The following TTC28 variants were observed in gnomAD, a reference collection of about 807,000 sequenced individuals.
The protein encoded by TTC28 is tetratricopeptide repeat protein 28.
In TTC28, 61 loss-of-function variants were observed where a neutral mutation model predicts 198.0. The observed-to-expected ratio is 0.31, with a 90% CI of 0.25 to 0.38. The LOEUF (loss-of-function observed/expected upper bound fraction) is 0.38. Ranked by LOEUF, TTC28 falls within the 10% of genes least tolerant of loss-of-function variation. The probability of loss-of-function intolerance (pLI) is 1.00; values close to 1 mark genes in which losing one functional copy is unlikely to be tolerated. For synonymous variants in TTC28, 1,171 were observed against 1,297.8 expected, an observed-to-expected ratio of 0.90 and a Z score of 2.10; for missense variants, 2,678 against 3,164.0, an observed-to-expected ratio of 0.85 and a Z score of 3.69.
chr22:28,058,356 A>C (rs530031714), intron 12 of TTC28, among the ~76,000 whole-genome samples: 2 of 152,204 alleles, frequency 1.3e-5, no homozygotes, highest in South Asian at 4.1e-4. Context: ...ATTATGACTG[A>C]TATAGTGTTG....
intron 12 of TTC28, among the ~76,000 whole-genome samples, chr22:28,085,731 G>C (rs976531927): frequency 5.3e-5 from 8 of 152,060 alleles, no homozygotes; most frequent in African/African-American, 1.9e-4. Context: ...TGGATAAAGA[G>C]TCAAGACCCA....
At chr22:28,366,991 G>A (rs1569285949) in intron 2 of TTC28, among the ~76,000 whole-genome samples, 2 of 151,912 alleles carry the variant, frequency 1.3e-5, no homozygotes, top group Non-Finnish European at 2.9e-5. Flanking sequence ...ATCATAGCTG[G>A]AGACTTCAAT....
At chr22:28,522,973 C>T (rs1355528801) in intron 2 of TTC28, among the ~76,000 whole-genome samples, 7 of 151,890 alleles carry the variant, frequency 4.6e-5, no homozygotes, top group Admixed American at 3.9e-4. Flanking sequence ...GTGATGCATG[C>T]AAAACTCCAT....
chr22:28,274,754 C>T (rs932901959), intron 5 of TTC28, among the ~76,000 whole-genome samples: 48 of 151,892 alleles, frequency 3.2e-4, no homozygotes, highest in African/African-American at 1.1e-3. Context: ...CCGAGGCGGG[C>T]GGATCACCTG....
intron 2 of TTC28, among the ~76,000 whole-genome samples, chr22:28,482,855 C>A (rs2048270556): frequency 6.6e-6 from 1 of 152,122 alleles, no homozygotes; most frequent in Non-Finnish European, 1.5e-5. Flanking sequence ...GCTTCTTTCA[C>A]TTAGCAAGAT....
At chr22:28,084,782 A>G (rs913765763) in intron 12 of TTC28, among the ~76,000 whole-genome samples, 7 of 152,154 alleles carry the variant, frequency 4.6e-5, no homozygotes, top group African/African-American at 1.7e-4. Context: ...AGACGAATGG[A>G]TAACTAGAAT....
At chr22:28,540,178 C>T (rs909366284) in intron 2 of TTC28, among the ~76,000 whole-genome samples, 2 of 151,964 alleles carry the variant, frequency 1.3e-5, no homozygotes, top group Admixed American at 6.6e-5. Flanking sequence ...TATCTCCTGA[C>T]CTCATGATCC....
intron 5 of TTC28, among the ~76,000 whole-genome samples, chr22:28,289,374 A>G (rs1393563313): frequency 6.6e-6 from 1 of 152,190 alleles, no homozygotes; most frequent in Non-Finnish European, 1.5e-5. Context: ...AATCCTATGT[A>G]ATTTATGTAC....
At chr22:28,352,387 G>C (rs888362653) in intron 2 of TTC28, among the ~76,000 whole-genome samples, 1 of 151,418 alleles carries the variant, frequency 6.6e-6, no homozygotes, top group Non-Finnish European at 1.5e-5. Flanking sequence ...ATGGTATATA[G>C]GGCTATTGTG....
rs763825504 is a variant in TTC28 at position 28,014,337 on chromosome 22, C to T, written c.4129G>A (p.Gly1377Arg). 103 of 1,551,510 alleles carry T rather than the reference C, an allele frequency of 6.6e-5. No homozygotes were observed. The highest frequency in any genetic ancestry group is 1.7e-4 in the Middle Eastern group (1 of 6,014). The change falls in exon 14 of 23, where the codon GGG (glycine) becomes AGG (arginine). Residue 1377 changes from glycine to arginine, a missense_variant. Gly to Arg is a moderately radical substitution (Grantham distance 125, BLOSUM62 -2). Around this residue, in one of 8 missense-constraint regions of TTC28, gnomAD observed 727 missense variants for 861.9 expected, o/e 0.84. Coordinates refer to ENST00000397906, the MANE Select transcript of TTC28 (RefSeq NM_001145418.2). The part of the protein sequence containing the change: ...FSNTVSPTQD[G>R]TSSLPRRQSS... ...TGCCTCCTGGGAAGAGAGGAGGTCC[C>T]GTCCTGGGTCGGTGACACAGTGTTA...
chr22:28,174,568 G>A (rs986887460), intron 5 of TTC28, among the ~76,000 whole-genome samples: 2 of 152,050 alleles, frequency 1.3e-5, no homozygotes, highest in East Asian at 3.9e-4. Flanking sequence ...CCCTTGTAGC[G>A]CAGCACCACT....
intron 5 of TTC28, among the ~76,000 whole-genome samples, chr22:28,193,356 T>G (rs1490153729): frequency 6.6e-6 from 1 of 152,130 alleles, no homozygotes; most frequent in Non-Finnish European, 1.5e-5. Flanking sequence ...AGACCATTGA[T>G]GCTAGGAAGA....
intron 18 of TTC28, 75 bp downstream of exon 18, chr22:27,993,212 C>G: frequency 7.6e-7 from 1 of 1,317,586 alleles, no homozygotes; most frequent in Non-Finnish European, 1.0e-6. Flanking sequence ...CTCATGAATG[C>G]GGGGCCCAAG....
chr22:28,535,862 C>A (rs188935295), intron 2 of TTC28, among the ~76,000 whole-genome samples: 1 of 152,010 alleles, frequency 6.6e-6, no homozygotes, highest in African/African-American at 2.4e-5. Context: ...GGAGCAGAAG[C>A]CTATACAGCC....
intron 5 of TTC28, among the ~76,000 whole-genome samples, chr22:28,173,237 G>C (rs1922850544): frequency 6.6e-6 from 1 of 152,134 alleles, no homozygotes. Context: ...ACTTGTCTTT[G>C]TTCCTGTTCC....
At chr22:28,183,166 C>T (rs1173497258) in intron 5 of TTC28, among the ~76,000 whole-genome samples, 2 of 151,958 alleles carry the variant, frequency 1.3e-5, no homozygotes, top group East Asian at 3.9e-4. Flanking sequence ...TCAAGTGGTT[C>T]CCCCCACCTC....
intron 5 of TTC28, among the ~76,000 whole-genome samples, chr22:28,169,733 A>C (rs1356996240): frequency 2.0e-5 from 3 of 152,230 alleles, no homozygotes; most frequent in South Asian, 2.1e-4. Context: ...TGACGAGTTA[A>C]TGGGTGCAGC....
At chr22:28,393,339 T>A (rs980837229) in intron 2 of TTC28, among the ~76,000 whole-genome samples, 2 of 152,246 alleles carry the variant, frequency 1.3e-5, no homozygotes, top group African/African-American at 2.4e-5. Context: ...TATTGGTTCA[T>A]GGGTGTGATT....
chr22:28,530,592 T>C (rs964633320), intron 2 of TTC28, among the ~76,000 whole-genome samples: 2 of 152,014 alleles, frequency 1.3e-5, no homozygotes, highest in Non-Finnish European at 2.9e-5. Context: ...AGAGCAACTC[T>C]AAGACACGTA....
Sources: allele counts gnomAD v4.1 joint callset (sites outside exome capture counted in the v4.1 genomes callset), GRCh38; gene constraint gnomAD v4.1.1; regional missense constraint gnomAD v4.1.1; transcripts MANE v1.5; gene names NCBI Gene and HGNC (gene_info 2026-07-23, HGNC 2026-07-21).